The following COL1A1 variants were observed in gnomAD, a reference collection of about 807,000 sequenced individuals.
COL1A1 encodes collagen alpha-1(I) chain.
COL1A1 carries 21 observed loss-of-function variants against 195.7 expected under a neutral mutation model. The ratio of observed to expected loss-of-function variants is 0.11; its 90% CI spans 0.08 to 0.15. The LOEUF is 0.15. COL1A1 is among the 10% of genes least tolerant of loss of function. COL1A1 has a pLI of 1.00. For missense variants in COL1A1, 1,365 were observed against 2,051.0 expected, an observed-to-expected ratio of 0.67 and a Z score of 6.46; for synonymous variants, 749 against 747.3, an observed-to-expected ratio of 1.00 and a Z score of -0.04.
rs758006385 is a variant in COL1A1 at position 50,194,558 on chromosome 17, G to A, written c.1515+15C>T. The A allele has an allele frequency of 2.4e-5, 39 of 1,596,340 alleles. No homozygotes were observed. The highest frequency in any genetic ancestry group is 9.4e-5 in the African/African-American group (7 of 74,486). On this transcript the variant is annotated intron_variant, in intron 22 of 50. Transcript: ENST00000225964. This position sits in a 1 kb window ranked among gnomAD's most constrained non-coding sequence, Gnocchi z 6.8. ...GAGCGGCAGGGTCAGCCCCCCGGCC[G>A]CAAGGAGAGGTTACCTTGGGACCAG...
chr17:50,200,016 G>A (rs1294701487), intron 1 of COL1A1, 69 bp from the exon 2 acceptor site: 2 of 1,508,514 alleles, frequency 1.3e-6, no homozygotes, highest in Non-Finnish European at 9.2e-7. Context: ...CTTTCCCCCG[G>A]GTCTAAGAGG....
rs747313038 is a variant in COL1A1, at chr17:50,188,945, G to A, written c.3003C>T (p.Gly1001=). The A allele has an allele frequency of 1.6e-5, 26 of 1,613,116 alleles. No individual in the cohort carries two copies. The highest frequency in any genetic ancestry group is 2.0e-5 in the Non-Finnish European group (24 of 1,179,364). ...SGERGPPGPM[G]PPGLAGPPGE... ...CAGGGGGTCCAGCCAATCCAGGGGG[G>A]CCCATGGGACCAGGGGGACCACGTT... The change falls in exon 41 of 51, where the codon GGC becomes GGT. Residue 1001 remains glycine, a synonymous_variant. Coordinates refer to ENST00000225964, the MANE Select transcript of COL1A1 (RefSeq NM_000088.4). The surrounding 1 kb of genome is among the most constrained non-coding windows in gnomAD (Gnocchi z 5.6).
chr17:50,192,376 A>G, intron 29 of COL1A1, 99 bp downstream of exon 29: 2 of 1,363,882 alleles, frequency 1.5e-6, no homozygotes, highest in Non-Finnish European at 2.0e-6. Flanking sequence ...TCTAACCTCA[A>G]TCCCTCTAGT....
rs774771584 is a variant in COL1A1, at chr17:50,199,433, G to T, written c.354C>A (p.Gly118=). The change falls in exon 4 of 51, where the codon GGC becomes GGA. Residue 118 remains glycine, a synonymous_variant. Transcript: ENST00000225964. ...CAACGCTTACCCTTGGGCCTCGGGG[G>T]CCAGTGTCTCCCTTGGGTCCCTGTG... ...TGVEGPKGDT[G]PRGPRGPAGP... is the part of the protein sequence containing the mutation. 2 of 1,614,034 alleles carry T rather than the reference G, an allele frequency of 1.2e-6. No individual in the cohort carries two copies. The highest frequency in any genetic ancestry group is 1.7e-6 in the Non-Finnish European group (2 of 1,179,998).
chr17:50,191,755 C>T (rs2144559827), intron 31 of COL1A1, 33 bp downstream of exon 31: 1 of 1,553,296 alleles, frequency 6.4e-7, no homozygotes, highest in Non-Finnish European at 8.7e-7. Flanking sequence ...GTCCCTGGGC[C>T]ACTTGCCAGA....
rs780348912 is a variant in COL1A1, at chr17:50,189,290, C to T, written c.2830-15G>A. The T allele has an allele frequency of 8.7e-6, 14 of 1,613,834 alleles. No homozygotes were observed. Among genetic ancestry groups the T allele is most frequent in the African/African-American group, 2.7e-5 (2 of 74,906 alleles). ...CCAGGAGCACCCTTTGGGAGGCAAA[C>T]AGGGGTGAGGTGCCAGAGAGCAGCA... On this transcript the variant is annotated splice_polypyrimidine_tract_variant and intron_variant, in intron 39 of 50. Transcript: ENST00000225964. The surrounding 1 kb of genome is among the most constrained non-coding windows in gnomAD (Gnocchi z 5.5).
At position 50,185,655 on chromosome 17, in the gene COL1A1, T is replaced by G. The variant is rs201450194; in HGVS notation, c.4249-7A>C. 1.2e-5 allele frequency: 20 copies of G among 1,612,336 alleles called. No homozygotes were observed. The African/African-American group carries it at 2.0e-4, about 16-fold the overall frequency. ...CCCAGGCTCCGGTGTGACTCTGGGG[T>G]GGGGCGGAGACAACGGGAGGGGGCA... On this transcript the variant is annotated splice_region_variant and splice_polypyrimidine_tract_variant and intron_variant, in intron 50 of 50. Transcript: ENST00000225964.
In COL1A1 at chr17:50,195,542, G is replaced by A; in HGVS notation, c.1155+25C>T. On this transcript the variant is annotated intron_variant, in intron 17 of 50. Coordinates refer to ENST00000225964, the MANE Select transcript of COL1A1 (RefSeq NM_000088.4). This position sits in a 1 kb window ranked among gnomAD's most constrained non-coding sequence, Gnocchi z 4.3. ...ACTCTGAGGTTAGAAAGTGGCAAAG[G>A]GGACACTGAGTCGGGGACACTTACA... is the stretch of plus-strand genomic sequence containing the variant. 1 of 1,614,020 alleles carries A rather than the reference G, an allele frequency of 6.2e-7. No homozygotes were observed. The highest frequency in any genetic ancestry group is 8.5e-7 in the Non-Finnish European group (1 of 1,179,922).
chr17:50,199,299 C>T lies in COL1A1; in HGVS notation c.398G>A (p.Gly133Asp). Residue 133 changes from glycine to aspartate, a missense_variant, in exon 5 of 51, where the codon GGC (glycine) becomes GAC (aspartate). Physicochemically the swap from Gly to Asp is moderately conservative, Grantham distance 94. Transcript: ENST00000225964. ...RGPAGPPGRD[G>D]IPGQPGLPGP... ...GGGAAGTCCAGGCTGTCCAGGGATG[C>T]CATCTCGGCCAGGGGGGCCTGCGGG... 2 of 1,539,036 alleles carry T rather than the reference C, an allele frequency of 1.3e-6. No individual in the cohort carries two copies. Among genetic ancestry groups the T allele is most frequent in the Non-Finnish European group, 1.8e-6 (2 of 1,139,978 alleles).
Position 50,190,042 on chromosome 17 carries a change from G to A in COL1A1, c.2518C>T (p.Pro840Ser). Residue 840 changes from proline (P) to serine (S), a missense_variant, in exon 36 of 51, where the codon CCC (proline) becomes TCC (serine). By Grantham distance (74) the Pro-to-Ser change is moderately conservative (BLOSUM62 -1). Coordinates refer to ENST00000225964, the MANE Select transcript of COL1A1 (RefSeq NM_000088.4). The surrounding 1 kb of genome is among the most constrained non-coding windows in gnomAD (Gnocchi z 4.7). The stretch of plus-strand genomic sequence containing the variant: ...CCAGCGGGTCCGGCAGGGCCAGGGG[G>A]ACCAGCATCGCCTTTAGCACCAGCA... Reference protein sequence around the residue: ...GDAGAKGDAGPPGPAGPAGPP... With the variant: ...GDAGAKGDAGSPGPAGPAGPP... 1.2e-6 allele frequency: 2 copies of A among 1,613,748 alleles called. No individual in the cohort carries two copies. Among genetic ancestry groups the A allele is most frequent in the Non-Finnish European group, 1.7e-6 (2 of 1,179,918 alleles).
At chr17:50,200,228 G>T in intron 1 of COL1A1, 6 of 463,446 alleles carry the variant, frequency 1.3e-5, no homozygotes, top group East Asian at 4.0e-5. Flanking sequence ...CATTGGCGCT[G>T]AAGCCAAGTG....
At position 50,197,620 on chromosome 17, in the gene COL1A1, C is replaced by T. The variant is rs961318041; in HGVS notation, c.696+112G>A. ...AGGGCAGTCCGTGCATCAGAGAGGA[C>T]TTGCCCTCCTTCCTCTGAGTATCGT... On this transcript the variant is annotated intron_variant, in intron 9 of 50. Coordinates refer to ENST00000225964, the MANE Select transcript of COL1A1 (RefSeq NM_000088.4). 6.9e-6 allele frequency: 6 copies of T among 875,598 alleles called. No individual in the cohort carries two copies. The Admixed American group carries it at 1.2e-4, about 17-fold the overall frequency. 54.2% of individuals were successfully genotyped at this position (875,598 alleles called of 1,614,324 possible).
Position 50,201,619 on chromosome 17 carries a change from A to G in COL1A1, c.-106T>C. ...GCCTCCTGCTCCGACCCCGAGGAGA[A>G]ACTCCCGTCTGCTCCGACGACTGGC... On this transcript the variant is annotated 5_prime_UTR_variant, in exon 1 of 51. Transcript: ENST00000225964. 1.0e-6 allele frequency: 1 copy of G among 972,160 alleles called. No individual in the cohort carries two copies. Among genetic ancestry groups the G allele is most frequent in the Non-Finnish European group, 1.5e-6 (1 of 662,816 alleles). The allele number at this position is 972,160 out of a possible 1,614,324, so 60.2% of individuals were successfully genotyped here.
Position 50,190,196 on chromosome 17 carries a change from T to G in COL1A1, c.2452-88A>C. ...AGGAGCAGTAATGGAGGCAGGAAGA[T>G]GCTTGGGTGGGAAACAATCCCGTCT... On this transcript the variant is annotated intron_variant, in intron 35 of 50. Coordinates refer to ENST00000225964, the MANE Select transcript of COL1A1 (RefSeq NM_000088.4). The surrounding 1 kb of genome is among the most constrained non-coding windows in gnomAD (Gnocchi z 4.7). The G allele has an allele frequency of 7.6e-7, 1 of 1,307,310 alleles. No individual in the cohort carries two copies. The highest frequency in any genetic ancestry group is 1.1e-6 in the Non-Finnish European group (1 of 901,718). 81.0% of individuals were successfully genotyped at this position (1,307,310 alleles called of 1,614,324 possible).
intron 9 of COL1A1, among the ~76,000 whole-genome samples, chr17:50,197,524 C>G (rs1907699052): frequency 6.6e-6 from 1 of 152,224 alleles, no homozygotes; most frequent in Non-Finnish European, 1.5e-5. Flanking sequence ...TCTAAGGTGG[C>G]TGGGGTGAGG....
intron 46 of COL1A1, 23 bp downstream of exon 46, chr17:50,187,461 A>C (rs1906654850): frequency 6.2e-7 from 1 of 1,613,578 alleles, no homozygotes; most frequent in Admixed American, 1.7e-5. Flanking sequence ...GCTCAGGAAG[A>C]GGAGAGAGAA....
intron 5 of COL1A1, 132 bp downstream of exon 5, chr17:50,199,094 G>A (rs1203998425): frequency 9.4e-7 from 1 of 1,060,130 alleles, no homozygotes; most frequent in East Asian, 2.7e-5. Context: ...TGAAGGGTAT[G>A]TGAGAGTTTC....
At chr17:50,196,092 C>T (rs1907558493) in intron 15 of COL1A1, 63 bp downstream of exon 15, 2 of 1,611,642 alleles carry the variant, frequency 1.2e-6, no homozygotes, top group Non-Finnish European at 1.7e-6. Context: ...ATTGTCAGCC[C>T]CAAGAGCAGA....
chr17:50,195,945 A>T lies in COL1A1; in HGVS notation c.1034T>A (p.Phe345Tyr). The change falls in exon 16 of 51, where the codon TTC (phenylalanine) becomes TAC (tyrosine). Residue 345 changes from phenylalanine to tyrosine, a missense_variant. This residue lies in a region of COL1A1 where 226 missense variants were observed against 372.9 expected (regional missense o/e 0.61). Coordinates refer to ENST00000225964, the MANE Select transcript of COL1A1 (RefSeq NM_000088.4). This position sits in a 1 kb window ranked among gnomAD's most constrained non-coding sequence, Gnocchi z 4.3. ...CACCTTAGCACCAACAGCACCAGGG[A>T]AGCCAGGAGGACCAGCGGGGCCGGT... ...GPTGPAGPPG[F>Y]PGAVGAKGEA... The T allele has an allele frequency of 6.3e-7, 1 of 1,592,426 alleles. No individual in the cohort carries two copies. Among genetic ancestry groups the T allele is most frequent in the Non-Finnish European group, 8.6e-7 (1 of 1,169,040 alleles).
Sources: allele counts gnomAD v4.1 joint callset (sites outside exome capture counted in the v4.1 genomes callset), GRCh38; gene constraint gnomAD v4.1.1; regional missense constraint gnomAD v4.1.1; non-coding constraint Gnocchi (gnomAD v3.1); transcripts MANE v1.5; gene names NCBI Gene and HGNC (gene_info 2026-07-23, HGNC 2026-07-21).